The following DNER variants were observed in gnomAD, a reference collection of about 807,000 sequenced individuals.
DNER encodes delta/notch like EGF repeat containing, also known as delta and Notch-like epidermal growth factor-related receptor.
A neutral mutation model predicts 78.2 loss-of-function variants in DNER; 33 were observed. The ratio of observed to expected loss-of-function variants is 0.42; its 90% CI spans 0.32 to 0.56. The LOEUF (loss-of-function observed/expected upper bound fraction) is 0.56. Ranked by LOEUF, DNER falls within the 20% of genes least tolerant of loss-of-function variation. The pLI, the probability that DNER is intolerant of heterozygous loss-of-function variation, is 0.11. For synonymous variants in DNER, 417 were observed against 384.8 expected, an observed-to-expected ratio of 1.08 and a Z score of -0.98; for missense variants, 918 against 975.3, an observed-to-expected ratio of 0.94 and a Z score of 0.78.
intron 11 of DNER, among the ~76,000 whole-genome samples, chr2:229,380,371 A>G (rs1218898261): frequency 1.3e-5 from 2 of 152,158 alleles, no homozygotes; most frequent in African/African-American, 4.8e-5. Flanking sequence ...GACTGTGGGT[A>G]CTGATTTGCA....
intron 1 of DNER, among the ~76,000 whole-genome samples, chr2:229,609,708 C>T (rs1163923877): frequency 6.6e-6 from 1 of 152,202 alleles, no homozygotes; most frequent in Non-Finnish European, 1.5e-5. Flanking sequence ...ACACCATAGA[C>T]ACAGCAGCAG....
At chr2:229,705,344 C>A (rs1237036904) in intron 1 of DNER, among the ~76,000 whole-genome samples, 1 of 152,326 alleles carries the variant, frequency 6.6e-6, no homozygotes, top group Middle Eastern at 3.4e-3. Context: ...CAAAAGATAG[C>A]AGACACGTTT....
chr2:229,482,975 A>G (rs1439963326), intron 6 of DNER, among the ~76,000 whole-genome samples: 1 of 152,228 alleles, frequency 6.6e-6, no homozygotes, highest in Non-Finnish European at 1.5e-5. Flanking sequence ...GAAAATAGCT[A>G]CAACCTTAGT....
At chr2:229,672,935 T>C (rs1699234161) in intron 1 of DNER, among the ~76,000 whole-genome samples, 1 of 152,188 alleles carries the variant, frequency 6.6e-6, no homozygotes, top group East Asian at 1.9e-4. Flanking sequence ...CTAATAGTTC[T>C]AGGCATGTCT....
chr2:229,631,845 T>A (rs2154215781), intron 1 of DNER, among the ~76,000 whole-genome samples: 1 of 152,286 alleles, frequency 6.6e-6, no homozygotes, highest in South Asian at 2.1e-4. Flanking sequence ...AAAATGGAAA[T>A]CATAACAGCA....
At chr2:229,583,536 A>T (rs1407828299) in intron 4 of DNER, among the ~76,000 whole-genome samples, 1 of 152,250 alleles carries the variant, frequency 6.6e-6, no homozygotes, top group African/African-American at 2.4e-5. Flanking sequence ...CATTAAGTGG[A>T]ACCAGCGTAG....
chr2:229,437,075 T>C (rs1694137537), intron 8 of DNER, among the ~76,000 whole-genome samples: 1 of 151,974 alleles, frequency 6.6e-6, no homozygotes, highest in Non-Finnish European at 1.5e-5. Context: ...ATGATACCCA[T>C]AGGCCAAAAT....
chr2:229,511,695 A>AC (rs1695866789), intron 6 of DNER, among the ~76,000 whole-genome samples: 1 of 152,098 alleles, frequency 6.6e-6, no homozygotes, highest in Admixed American at 6.6e-5. Flanking sequence ...TAATATAATC[A>AC]CCCTGCACAG....
chr2:229,410,116 C>T (rs1559344199), intron 9 of DNER, among the ~76,000 whole-genome samples: 2 of 152,140 alleles, frequency 1.3e-5, no homozygotes, highest in Non-Finnish European at 2.9e-5. Context: ...ACACCCTTCC[C>T]CCAACCTGAT....
chr2:229,520,651 C>T (rs1696077062), intron 5 of DNER, among the ~76,000 whole-genome samples: 1 of 151,818 alleles, frequency 6.6e-6, no homozygotes, highest in African/African-American at 2.4e-5. Flanking sequence ...GGCTAAGTAC[C>T]AAGAAAGGAA....
Position 229,447,502 on chromosome 2 carries a change from A to AGGG in DNER, c.1297_1299dup (p.Pro433dup). The AGGG allele has an allele frequency of 6.2e-7, 1 of 1,614,194 alleles. No individual in the cohort carries two copies. Among genetic ancestry groups the AGGG allele is most frequent in the Non-Finnish European group, 8.5e-7 (1 of 1,180,022 alleles). On this transcript the variant is annotated inframe_insertion, in exon 8 of 13. Coordinates refer to ENST00000341772, the MANE Select transcript of DNER (RefSeq NM_139072.4). ...TTGTTCTGGCACGGAGACGAGGCGC[A>AGGG]GGGGTCCACCTTTTCTTCACAAGCA...
At chr2:229,519,067 C>G (rs1286825669) in intron 5 of DNER, among the ~76,000 whole-genome samples, 1 of 151,720 alleles carries the variant, frequency 6.6e-6, no homozygotes, top group Non-Finnish European at 1.5e-5. Context: ...TCCTTTCTAA[C>G]TTGGACAATG....
chr2:229,687,749 A>T (rs1193238342), intron 1 of DNER, among the ~76,000 whole-genome samples: 3 of 152,202 alleles, frequency 2.0e-5, no homozygotes, highest in Non-Finnish European at 4.4e-5. Flanking sequence ...ATTTGACACT[A>T]CTTATCTGTC....
At position 229,446,204 on chromosome 2, in the gene DNER, A is replaced by C. The variant is rs73998233; in HGVS notation, c.1486+1112T>G. Among the ~76,000 whole-genome samples, 776 of 152,376 alleles carry C rather than the reference A, an allele frequency of 5.1e-3. 8 individuals are homozygous for C. The highest frequency in any genetic ancestry group is 0.018 in the African/African-American group (744 of 41,594). On this transcript the variant is annotated intron_variant, in intron 8 of 12. Coordinates refer to ENST00000341772, the MANE Select transcript of DNER (RefSeq NM_139072.4). Reference sequence around the variant, plus strand: ...ACCAGAGATGTGAAGCACCCGGCTCAGAATCTAGAAAGATCAGTGCTCACT... The same window carrying C: ...ACCAGAGATGTGAAGCACCCGGCTCCGAATCTAGAAAGATCAGTGCTCACT...
At chr2:229,458,135 CAAAAAAAA>C (rs61340733) in intron 7 of DNER, among the ~76,000 whole-genome samples, 10 of 17,718 alleles carry the variant, frequency 5.6e-4, no homozygotes, top group African/African-American at 1.3e-3. Context: ...GACTCTATCT[CAAAAAAAA>C]AAAAAAAAAA....
chr2:229,434,215 C>T (rs555405808), intron 8 of DNER, among the ~76,000 whole-genome samples: 6 of 152,344 alleles, frequency 3.9e-5, no homozygotes, highest in African/African-American at 1.4e-4. Flanking sequence ...TCCCCTATCA[C>T]TGGGGACATT....
chr2:229,447,507 T>C lies in DNER; in HGVS notation c.1295A>G (p.Asp432Gly). ...YFGSACEEKV[D>G]PCASSPCQNN... ...CTGGCACGGAGACGAGGCGCAGGGG[T>C]CCACCTTTTCTTCACAAGCAGATCC... is the stretch of plus-strand genomic sequence containing the variant. The change falls in exon 8 of 13, where the codon GAC becomes GGC. Residue 432 changes from aspartate (D) to glycine (G), a missense_variant. Transcript: ENST00000341772. 1 of 1,614,060 alleles carries C rather than the reference T, an allele frequency of 6.2e-7. No individual in the cohort carries two copies.
At chr2:229,380,053 C>T (rs1342807535) in intron 11 of DNER, among the ~76,000 whole-genome samples, 2 of 152,198 alleles carry the variant, frequency 1.3e-5, no homozygotes, top group Admixed American at 6.5e-5. Context: ...AGAAGAAAGA[C>T]AGTGAGTGAG....
At chr2:229,600,633 G>A (rs1214179978) in intron 1 of DNER, among the ~76,000 whole-genome samples, 1 of 152,108 alleles carries the variant, frequency 6.6e-6, no homozygotes, top group Non-Finnish European at 1.5e-5. Flanking sequence ...ATAAATCTTG[G>A]TACTATGAAA....
Sources: allele counts gnomAD v4.1 joint callset (sites outside exome capture counted in the v4.1 genomes callset), GRCh38; gene constraint gnomAD v4.1.1; transcripts MANE v1.5; gene names NCBI Gene and HGNC (gene_info 2026-07-23, HGNC 2026-07-21).